Variants in IL1RAPL2 observed in about 807,000 individuals in gnomAD.
IL1RAPL2 encodes the protein interleukin 1 receptor accessory protein like 2.
IL1RAPL2 carries 3 observed loss-of-function variants against 44.1 expected under a neutral mutation model. That is an observed-to-expected ratio of 0.07 (90% confidence interval 0.03 to 0.18). The LOEUF is 0.18. IL1RAPL2 is among the 10% of genes least tolerant of loss of function. The pLI is 1.00. For synonymous variants in IL1RAPL2, 181 were observed against 178.8 expected (o/e 1.01, Z -0.10); for missense variants, 391 against 496.4 (o/e 0.79, Z 2.02).
At chrX:105,528,248 T>C (rs2036607552) in intron 6 of IL1RAPL2, among the ~76,000 whole-genome samples, 2 of 111,435 alleles carry the variant, frequency 1.8e-5, no homozygotes, top group South Asian at 3.7e-4. Flanking sequence ...TCTCATTTAA[T>C]CCCTACAACA....
chrX:105,080,616 T>A (rs1381720095), intron 2 of IL1RAPL2, among the ~76,000 whole-genome samples: 2 of 112,090 alleles, frequency 1.8e-5, no homozygotes, highest in East Asian at 5.6e-4. Flanking sequence ...TTTTGGTTAC[T>A]GTAGCCTTGT....
chrX:104,907,948 G>A (rs1428044092), intron 2 of IL1RAPL2, among the ~76,000 whole-genome samples: 1 of 109,903 alleles, frequency 9.1e-6, no homozygotes, highest in Non-Finnish European at 1.9e-5. Context: ...AAGTCTCTTT[G>A]TAGGTCACTC....
At chrX:105,339,161 A>C (rs2035051933) in intron 5 of IL1RAPL2, among the ~76,000 whole-genome samples, 1 of 111,923 alleles carries the variant, frequency 8.9e-6, no homozygotes, top group South Asian at 3.7e-4. Context: ...GCAAACTGAC[A>C]TGTGGCCCCA....
rs144655620 is a variant in IL1RAPL2, at chrX:105,332,495, A to G, written c.697+64954A>G. Among the ~76,000 whole-genome samples the G allele has an allele frequency of 5.3e-3, 591 of 111,662 alleles. 5 individuals carry two copies. The highest frequency in any genetic ancestry group is 0.018 in the African/African-American group (551 of 30,795). On this transcript the variant is annotated intron_variant, in intron 5 of 10. Coordinates refer to ENST00000372582, the MANE Select transcript of IL1RAPL2 (RefSeq NM_017416.2). ...CCAACTTTCACCACTGTTACTCAAC[A>G]TAGTACTGGAAGTCCTAGCTAGAGC... is the stretch of plus-strand genomic sequence containing the variant.
chrX:105,441,600 C>T (rs952049577), intron 5 of IL1RAPL2, among the ~76,000 whole-genome samples: 1 of 111,846 alleles, frequency 8.9e-6, no homozygotes, highest in African/African-American at 3.3e-5. Flanking sequence ...CCAGTTCATA[C>T]ATATTATGCT....
At chrX:105,039,777 T>G (rs1029335644) in intron 2 of IL1RAPL2, among the ~76,000 whole-genome samples, 2 of 111,769 alleles carry the variant, frequency 1.8e-5, no homozygotes, top group African/African-American at 3.3e-5. Context: ...AAGGAGATTT[T>G]GGGCTGAGAC....
At chrX:105,148,423 G>C (rs1341828863) in intron 2 of IL1RAPL2, among the ~76,000 whole-genome samples, 1 of 111,896 alleles carries the variant, frequency 8.9e-6, no homozygotes, top group Non-Finnish European at 1.9e-5. Context: ...TGAATAGTAT[G>C]TTATGAATTT....
At chrX:104,765,649 C>G (rs745913147) in intron 2 of IL1RAPL2, among the ~76,000 whole-genome samples, 151 of 111,995 alleles carry the variant, frequency 1.3e-3, no homozygotes, top group African/African-American at 4.7e-3. Context: ...TGGGAGAACC[C>G]TATGACTCTC....
rs548040989 is a variant in IL1RAPL2 at position 104,842,924 on chromosome X, T to C, written c.82+183929T>C. 2.7e-5 allele frequency among the ~76,000 whole-genome samples: 3 copies of C among 112,825 alleles called. No individual in the cohort carries two copies. In the South Asian group the frequency reaches 1.1e-3, roughly 41 times the overall value. ...CCTTAGCGGAGCTGGTGCACTGTGC[T>C]GGTAGAATCTCCTTGTCAGGATCAG... On this transcript the variant is annotated intron_variant, in intron 2 of 10. Transcript: ENST00000372582.
At chrX:105,585,444 G>A (rs1313028666) in intron 6 of IL1RAPL2, among the ~76,000 whole-genome samples, 1 of 109,850 alleles carries the variant, frequency 9.1e-6, no homozygotes, top group Non-Finnish European at 1.9e-5. Context: ...ATGGTGGTTT[G>A]CTGCACCTGT....
At position 104,675,459 on chromosome X, in the gene IL1RAPL2, A is replaced by C. The variant is rs938694843; in HGVS notation, c.82+16464A>C. Among the ~76,000 whole-genome samples the C allele has an allele frequency of 4.1e-3, 461 of 111,536 alleles. 2 individuals carry two copies. Among genetic ancestry groups the C allele is most frequent in the African/African-American group, 0.014 (435 of 30,676 alleles). On this transcript the variant is annotated intron_variant, in intron 2 of 10. Transcript: ENST00000372582. ...TCTAGTTTGATTGCACTGTGGTCTG[A>C]GAGATAGTTTGTTATAATTTCTGTT...
At chrX:105,210,017 C>A (rs2033795542) in intron 3 of IL1RAPL2, among the ~76,000 whole-genome samples, 1 of 109,801 alleles carries the variant, frequency 9.1e-6, no homozygotes, top group South Asian at 4.0e-4. Context: ...TCCTTTCCTC[C>A]CCCTCCTCCA....
chrX:104,837,611 T>C (rs1443055649), intron 2 of IL1RAPL2, among the ~76,000 whole-genome samples: 9 of 112,195 alleles, frequency 8.0e-5, no homozygotes, highest in South Asian at 3.7e-4. Context: ...AAGTTTCTTA[T>C]AGATTCTGGA....
intron 5 of IL1RAPL2, among the ~76,000 whole-genome samples, chrX:105,483,450 G>A (rs1318149601): frequency 2.7e-5 from 3 of 111,323 alleles, no homozygotes; most frequent in African/African-American, 9.8e-5. Context: ...ATAATCTTTT[G>A]AAAATCTTTT....
At chrX:104,723,245 G>A (rs886759216) in intron 2 of IL1RAPL2, among the ~76,000 whole-genome samples, 1 of 111,721 alleles carries the variant, frequency 9.0e-6, no homozygotes, top group African/African-American at 3.2e-5. Context: ...GTTGAAGGGT[G>A]AAGTATCACC....
intron 9 of IL1RAPL2, among the ~76,000 whole-genome samples, chrX:105,750,846 ACTT>A (rs961593049): frequency 2.8e-5 from 3 of 106,408 alleles, no homozygotes; most frequent in Non-Finnish European, 5.8e-5. Context: ...AAAAATCTTG[ACTT>A]CTTATCTGTA....
At chrX:105,170,504 T>G (rs1354256879) in intron 2 of IL1RAPL2, among the ~76,000 whole-genome samples, 1 of 111,896 alleles carries the variant, frequency 8.9e-6, no homozygotes, top group Non-Finnish European at 1.9e-5. Flanking sequence ...AGATACTGTT[T>G]GTTCTAAGTA....
chrX:105,015,002 C>T (rs1602890609), intron 2 of IL1RAPL2, among the ~76,000 whole-genome samples: 1 of 111,810 alleles, frequency 8.9e-6, no homozygotes, highest in East Asian at 2.8e-4. Flanking sequence ...TTAATGATTG[C>T]CATTCTAATT....
intron 2 of IL1RAPL2, among the ~76,000 whole-genome samples, chrX:104,712,743 T>C (rs1348144280): frequency 4.5e-5 from 5 of 110,737 alleles, no homozygotes; most frequent in African/African-American, 1.6e-4. Flanking sequence ...TTAGTGTTCA[T>C]AGCAAGCTGT....
Sources: gnomAD v4.1 joint callset for allele counts (sites outside exome capture counted in the v4.1 genomes callset) on GRCh38, gnomAD v4.1.1 for gene constraint, MANE v1.5 for transcripts, NCBI Gene and HGNC (gene_info 2026-07-23, HGNC 2026-07-21) for gene names.